The following ST3GAL2 variants were observed in gnomAD, a reference collection of about 807,000 sequenced individuals.
ST3GAL2 encodes ST3 beta-galactoside alpha-2,3-sialyltransferase 2, also known as CMP-N-acetylneuraminate-beta-galactosamide-alpha-2,3-sialyltransferase 2.
ST3GAL2 carries 16 observed loss-of-function variants against 37.5 expected under a neutral mutation model. The observed-to-expected ratio is 0.43, with a 90% CI of 0.29 to 0.65. The LOEUF is 0.65. Ranked by LOEUF, ST3GAL2 falls within the 30% of genes least tolerant of loss-of-function variation. The pLI is 0.17. For synonymous variants in ST3GAL2, 238 were observed against 202.9 expected (o/e 1.17, Z -1.47); for missense variants, 383 against 487.8 (o/e 0.79, Z 2.02).
At chr16:70,415,224 G>T (rs139899403) in intron 1 of ST3GAL2, among the ~76,000 whole-genome samples, 5,474 of 152,070 alleles carry the variant, frequency 0.036, 354 homozygotes, top group African/African-American at 0.13. Context: ...GGTCAGGCTG[G>T]TCTCAAACTC....
intron 6 of ST3GAL2, 55 bp from the exon 7 acceptor site, chr16:70,381,917 G>A: frequency 6.2e-7 from 1 of 1,601,342 alleles, no homozygotes. Context: ...AGGATGGCGC[G>A]GGGCGGGCTC....
At chr16:70,384,020 G>A (rs1036175177) in intron 4 of ST3GAL2, among the ~76,000 whole-genome samples, 3 of 151,948 alleles carry the variant, frequency 2.0e-5, no homozygotes, top group African/African-American at 7.3e-5. Context: ...ACACCTCCCT[G>A]TAGCCAGCCA....
chr16:70,390,289 T>G (rs2047474190), intron 3 of ST3GAL2, among the ~76,000 whole-genome samples: 1 of 151,944 alleles, frequency 6.6e-6, no homozygotes. Context: ...TCCAGGCTGG[T>G]CTCAATCTCC....
intron 1 of ST3GAL2, among the ~76,000 whole-genome samples, chr16:70,430,100 T>C (rs2047779246): frequency 6.6e-6 from 1 of 152,224 alleles, no homozygotes; most frequent in African/African-American, 2.4e-5. Flanking sequence ...CTGATGCTCC[T>C]GGGCCCTCGG....
chr16:70,410,223 A>T (rs2047627303), intron 1 of ST3GAL2, among the ~76,000 whole-genome samples: 2 of 93,356 alleles, frequency 2.1e-5, no homozygotes, highest in Non-Finnish European at 4.6e-5. Context: ...GGGTTGACAT[A>T]TTATCTCCAC....
chr16:70,433,174 G>T (rs1030722106), intron 1 of ST3GAL2, among the ~76,000 whole-genome samples: 2 of 152,200 alleles, frequency 1.3e-5, no homozygotes, highest in Non-Finnish European at 2.9e-5. Flanking sequence ...ATCAGTGTCT[G>T]CTCTGAAGAC....
At chr16:70,415,816 G>A (rs927746027) in intron 1 of ST3GAL2, among the ~76,000 whole-genome samples, 2 of 132,944 alleles carry the variant, frequency 1.5e-5, no homozygotes, top group African/African-American at 2.9e-5. Flanking sequence ...CACCCAGCCT[G>A]GAGTGCAGTG....
chr16:70,425,660 A>C (rs765839649), intron 1 of ST3GAL2, among the ~76,000 whole-genome samples: 25 of 152,152 alleles, frequency 1.6e-4, no homozygotes, highest in Admixed American at 1.2e-3. Flanking sequence ...TGGAAGCTGC[A>C]GTGAACCGAG....
rs1164294311 is a variant in ST3GAL2, at chr16:70,381,553, CCA to C, written c.*134_*135del. On this transcript the variant is annotated 3_prime_UTR_variant, in exon 7 of 7. Coordinates refer to ENST00000342907, the MANE Select transcript of ST3GAL2 (RefSeq NM_006927.4). ...ATTGGTGCCAGGCCCGGCCGGTCCCCCAGTCTCGTGATTGGCGGGGCACAGCA... is the reference window on the plus strand; with the variant it reads ...ATTGGTGCCAGGCCCGGCCGGTCCCCGTCTCGTGATTGGCGGGGCACAGCA... 1.8e-6 allele frequency: 2 copies of C among 1,090,650 alleles called. No individual in the cohort carries two copies. The highest frequency in any genetic ancestry group is 2.6e-6 in the Non-Finnish European group (2 of 782,472). The allele number at this position is 1,090,650 out of a possible 1,614,324, so 67.6% of individuals were successfully genotyped here. A position where few individuals can be genotyped will look rare whatever the true frequency, so the allele number is the denominator to read the frequency against.
At chr16:70,411,040 C>G (rs927617224) in intron 1 of ST3GAL2, among the ~76,000 whole-genome samples, 1 of 152,088 alleles carries the variant, frequency 6.6e-6, no homozygotes, top group African/African-American at 2.4e-5. Flanking sequence ...CAGCTCAGGT[C>G]AATGAGACCC....
Position 70,376,144 on chromosome 16 carries a change from T to G in ST3GAL2, c.*5545A>C, listed in dbSNP as rs956445368. ...TGGCCCTGCGAAGGGGCAGCGTCTCTTCCCTCTGTGGTCCCCTTTACCCAT... is the reference window on the plus strand; with the variant it reads ...TGGCCCTGCGAAGGGGCAGCGTCTCGTCCCTCTGTGGTCCCCTTTACCCAT... On this transcript the variant is annotated 3_prime_UTR_variant, in exon 7 of 7. Transcript: ENST00000342907. 6 of 152,240 alleles carry G rather than the reference T, an allele frequency of 3.9e-5. No individual in the cohort carries two copies. The highest frequency in any genetic ancestry group is 8.8e-5 in the Non-Finnish European group (6 of 68,052). 9.4% of individuals were successfully genotyped at this position (152,240 alleles called of 1,614,324 possible). A position where few individuals can be genotyped will look rare whatever the true frequency, so the allele number is the denominator to read the frequency against.
At position 70,398,881 on chromosome 16, in the gene ST3GAL2, A is replaced by G. The variant is rs1308651505; in HGVS notation, c.-351T>C. Reference sequence around the variant, plus strand: ...TAGTCCCTTGGGATTGCTGGCTGCCAGCTCTAGGGGTCCCCCTCTTTGGCG... The same window carrying G: ...TAGTCCCTTGGGATTGCTGGCTGCCGGCTCTAGGGGTCCCCCTCTTTGGCG... On this transcript the variant is annotated 5_prime_UTR_variant, in exon 2 of 7. Transcript: ENST00000342907. The G allele has an allele frequency of 1.5e-5, 7 of 476,740 alleles. No individual in the cohort carries two copies. The highest frequency in any genetic ancestry group is 2.6e-5 in the Non-Finnish European group (7 of 272,118). 29.5% of individuals were successfully genotyped at this position (476,740 alleles called of 1,614,324 possible). A position where few individuals can be genotyped will look rare whatever the true frequency, so the allele number is the denominator to read the frequency against.
intron 1 of ST3GAL2, among the ~76,000 whole-genome samples, chr16:70,436,680 T>C (rs2047827672): frequency 6.6e-6 from 1 of 152,004 alleles, no homozygotes; most frequent in South Asian, 2.1e-4. Flanking sequence ...CTCAGTCAAA[T>C]GTGAAGAATC....
intron 1 of ST3GAL2, among the ~76,000 whole-genome samples, chr16:70,413,900 C>CT (rs370285545): frequency 1.3e-5 from 2 of 152,234 alleles, no homozygotes; most frequent in African/African-American, 4.8e-5. Context: ...CTTTATGGCT[C>CT]TGTTATCCCA....
At chr16:70,397,074 C>T (rs2047522038) in intron 2 of ST3GAL2, among the ~76,000 whole-genome samples, 1 of 138,986 alleles carries the variant, frequency 7.2e-6, no homozygotes, top group Admixed American at 7.5e-5. Context: ...CGGAGTCTCA[C>T]TTTGTTGCCC....
chr16:70,402,241 C>A (rs1276978733), intron 1 of ST3GAL2, among the ~76,000 whole-genome samples: 1 of 144,088 alleles, frequency 6.9e-6, no homozygotes, highest in African/African-American at 2.6e-5. Flanking sequence ...GGAGATCGTG[C>A]CAATGCACTC....
intron 4 of ST3GAL2, among the ~76,000 whole-genome samples, chr16:70,384,708 A>G (rs2047430134): frequency 6.8e-6 from 1 of 147,404 alleles, no homozygotes; most frequent in Non-Finnish European, 1.5e-5. Context: ...TCTGTCTCAA[A>G]AAAAAAAAAA....
intron 1 of ST3GAL2, among the ~76,000 whole-genome samples, chr16:70,412,630 G>A (rs2047646946): frequency 6.6e-6 from 1 of 152,120 alleles, no homozygotes; most frequent in East Asian, 1.9e-4. Flanking sequence ...GCCTCAAAAA[G>A]CAAAATAAAG....
At chr16:70,420,029 T>TC (rs201975767) in intron 1 of ST3GAL2, among the ~76,000 whole-genome samples, 1 of 149,498 alleles carries the variant, frequency 6.7e-6, no homozygotes, top group African/African-American at 2.5e-5. Context: ...CTTCCCTTTT[T>TC]TTTTTTTTTT....
Sources: gnomAD v4.1 joint callset for allele counts (sites outside exome capture counted in the v4.1 genomes callset) on GRCh38, gnomAD v4.1.1 for gene constraint, MANE v1.5 for transcripts, NCBI Gene and HGNC (gene_info 2026-07-23, HGNC 2026-07-21) for gene names.